Variants in TTC34 observed in about 807,000 individuals in gnomAD.
TTC34 encodes the protein tetratricopeptide repeat domain 34.
Under a neutral mutation model 40.7 loss-of-function variants are expected in TTC34, and 44 were observed. The ratio of observed to expected loss-of-function variants is 1.08; its 90% CI spans 0.85 to 1.39. The LOEUF is 1.39. TTC34 is among the 40% of genes most tolerant of loss of function. The pLI is 0.00. For synonymous variants in TTC34, 422 were observed against 398.6 expected, an observed-to-expected ratio of 1.06 and a Z score of -0.70; for missense variants, 884 against 838.0, an observed-to-expected ratio of 1.05 and a Z score of -0.68.
At chr1:2,688,662 C>T (rs1161401904) in intron 6 of TTC34, among the ~76,000 whole-genome samples, 3 of 130,246 alleles carry the variant, frequency 2.3e-5, no homozygotes, top group African/African-American at 3.4e-5. Context: ...CACAGGTGAG[C>T]CTCTGACAGC....
chr1:2,683,534 T>A (rs1382647108), intron 6 of TTC34, among the ~76,000 whole-genome samples: 3 of 61,160 alleles, frequency 4.9e-5, no homozygotes, highest in Non-Finnish European at 9.7e-5. Flanking sequence ...CATCTGATGG[T>A]CTGGAGCAGC....
At chr1:2,664,879 C>A (rs1264078439) in intron 6 of TTC34, among the ~76,000 whole-genome samples, 2 of 2 alleles carry the variant, frequency 1, 1 homozygote, top group Non-Finnish European at 1. Context: ...TGGAGCAGCA[C>A]CCACACCCCC....
intron 6 of TTC34, among the ~76,000 whole-genome samples, chr1:2,759,468 G>T (rs1288642653): frequency 4.6e-5 from 4 of 87,268 alleles, no homozygotes; most frequent in Admixed American, 1.3e-4. Flanking sequence ...GCCTGGAGCA[G>T]CACCCCACAC....
intron 6 of TTC34, among the ~76,000 whole-genome samples, chr1:2,687,405 C>G (rs199735791): frequency 2.1e-5 from 3 of 143,168 alleles, no homozygotes; most frequent in Non-Finnish European, 1.5e-5. Context: ...GGCACCCACA[C>G]CCCCAGGTGA....
chr1:2,751,124 G>C (rs1414990341), intron 6 of TTC34, among the ~76,000 whole-genome samples: 4 of 57,896 alleles, frequency 6.9e-5, no homozygotes, highest in Non-Finnish European at 9.3e-5. Flanking sequence ...ACAGCACCCT[G>C]TACCCCCAGG....
Position 2,644,480 on chromosome 1 carries a change from T to C in TTC34, c.2498-2A>G. ...GGGTGCCAGCTTCCTCGTAGCTGCC[T>C]GTCAGGGATTCAGGAGGGACAGTCA... is the stretch of plus-strand genomic sequence containing the variant. On this transcript the variant is annotated splice_acceptor_variant, in intron 7 of 8. Transcript: ENST00000401095. LOFTEE classifies it high-confidence loss of function. 1 of 1,532,164 alleles carries C rather than the reference T, an allele frequency of 6.5e-7. No individual in the cohort carries two copies. The highest frequency in any genetic ancestry group is 8.7e-7 in the Non-Finnish European group (1 of 1,143,958). 94.9% of individuals were successfully genotyped at this position (1,532,164 alleles called of 1,614,324 possible).
chr1:2,691,532 A>G (rs1640617010), intron 6 of TTC34, among the ~76,000 whole-genome samples: 1 of 116,146 alleles, frequency 8.6e-6, no homozygotes, highest in Admixed American at 9.2e-5. Flanking sequence ...AGTCTGGAAC[A>G]GAACCCACAC....
At chr1:2,647,748 A>C (rs1455516636) in intron 6 of TTC34, among the ~76,000 whole-genome samples, 1 of 152,196 alleles carries the variant, frequency 6.6e-6, no homozygotes. Flanking sequence ...CTCCCAAAGT[A>C]CTGGAATTAC....
At chr1:2,641,351 G>A in exon 9 of TTC34, 1 of 1,477,222 alleles carries the variant, frequency 6.8e-7, no homozygotes, top group South Asian at 1.3e-5. Flanking sequence ...TTAGGGCTGG[G>A]AGAGGGTCAG....
chr1:2,793,084 TTAGA>T (rs1643680624), intron 2 of TTC34, among the ~76,000 whole-genome samples: 1 of 152,268 alleles, frequency 6.6e-6, no homozygotes, highest in Non-Finnish European at 1.5e-5. Context: ...TCTTCTATTG[TTAGA>T]TAGACAATTT....
chr1:2,751,376 C>T (rs1282495353), intron 6 of TTC34, among the ~76,000 whole-genome samples: 62 of 22,142 alleles, frequency 2.8e-3, no homozygotes, highest in Non-Finnish European at 4.7e-3. Flanking sequence ...CCCCCAGGTG[C>T]GCATCTGATG....
intron 6 of TTC34, among the ~76,000 whole-genome samples, chr1:2,647,790 C>T (rs775702471): frequency 6.6e-6 from 1 of 152,208 alleles, no homozygotes; most frequent in Non-Finnish European, 1.5e-5. Context: ...GCTCAGCTCT[C>T]ATCGTTTGAA....
In TTC34 at chr1:2,783,611, G is replaced by A; in HGVS notation, c.2224C>T (p.Gln742Ter). 2 of 1,421,250 alleles carry A rather than the reference G, an allele frequency of 1.4e-6. No homozygotes were observed. The highest frequency in any genetic ancestry group is 1.9e-6 in the Non-Finnish European group (2 of 1,070,756). 88.0% of individuals were successfully genotyped at this position (1,421,250 alleles called of 1,614,324 possible). A position where few individuals can be genotyped will look rare whatever the true frequency, so the allele number is the denominator to read the frequency against. The change falls in exon 6 of 9, where the codon CAG (glutamine) becomes TAG (stop). Residue 742 changes from glutamine (Q) to a stop codon, truncating the protein, a stop_gained and splice_region_variant. Transcript: ENST00000401095. LOFTEE classifies it high-confidence loss of function. ...CCAGGTCAGGAGTGGGGCGGCACCT[G>A]CAGCTGGTCTAGGGCCAGGTGCACC...
intron 6 of TTC34, among the ~76,000 whole-genome samples, chr1:2,749,487 C>G (rs1202966864): frequency 8.6e-5 from 3 of 34,856 alleles, no homozygotes; most frequent in African/African-American, 2.6e-4. Flanking sequence ...CCCACATCCC[C>G]AGGTGAGCAT....
chr1:2,683,513 C>T (rs1398827093), intron 6 of TTC34, among the ~76,000 whole-genome samples: 2 of 147,278 alleles, frequency 1.4e-5, no homozygotes, highest in African/African-American at 5.0e-5. Context: ...GCACCCACAC[C>T]ACCAGGTGAG....
intron 6 of TTC34, among the ~76,000 whole-genome samples, chr1:2,687,705 C>G (rs1254435979): frequency 2.1e-5 from 2 of 96,906 alleles, no homozygotes; most frequent in Admixed American, 9.6e-5. Flanking sequence ...GAGCATCTGA[C>G]AGCCGGGAAC....
At chr1:2,637,254 G>C (rs1638812639) in exon 9 of TTC34, 1 of 152,120 alleles carries the variant, frequency 6.6e-6, no homozygotes, top group Non-Finnish European at 1.5e-5. Context: ...TAGGTGAAGG[G>C]TGGGGATCAA....
At position 2,751,920 on chromosome 1, in the gene TTC34, G is replaced by A. The variant is rs1249656720; in HGVS notation, c.2226+31689C>T. On this transcript the variant is annotated intron_variant, in intron 6 of 8. Coordinates refer to ENST00000401095, the Ensembl canonical transcript of TTC34. ...GGTGAGCATCTGATGGTCTGGAGCA[G>A]CACGCATAACCACAGGTGAACATCG... 2.9e-5 allele frequency among the ~76,000 whole-genome samples: 3 copies of A among 103,028 alleles called. 1 individual carries two copies. Among genetic ancestry groups the A allele is most frequent in the Admixed American group, 2.1e-4 (2 of 9,744 alleles). 67.6% of individuals were successfully genotyped at this position (103,028 alleles called of 152,430 possible).
chr1:2,750,179 T>C (rs1641268565), intron 6 of TTC34, among the ~76,000 whole-genome samples: 4 of 151,906 alleles, frequency 2.6e-5, no homozygotes, highest in East Asian at 1.9e-4. Flanking sequence ...GGCGAGCATC[T>C]GACAGCCTGG....
Sources: allele counts gnomAD v4.1 joint callset (sites outside exome capture counted in the v4.1 genomes callset), GRCh38; gene constraint gnomAD v4.1.1; transcripts MANE v1.5; gene names NCBI Gene and HGNC (gene_info 2026-07-23, HGNC 2026-07-21).